PSD3: variants seen among roughly 807,000 people sequenced by gnomAD.
PSD3 encodes pleckstrin and Sec7 domain containing 3.
PSD3 carries 49 observed loss-of-function variants against 105.5 expected under a neutral mutation model. The observed-to-expected ratio is 0.46, with a 90% confidence interval of 0.37 to 0.59. PSD3 has a LOEUF of 0.59. PSD3 is among the 20% of genes least tolerant of loss of function. PSD3 has a pLI of 0.00. For synonymous variants in PSD3, 557 were observed against 457.8 expected (o/e 1.22, Z -2.77); for missense variants, 1,561 against 1,263.8 (o/e 1.24, Z -3.57).
chr8:18,956,968 A>G (rs563030719), intron 1 of PSD3, among the ~76,000 whole-genome samples: 1 of 152,308 alleles, frequency 6.6e-6, no homozygotes, highest in East Asian at 1.9e-4. Flanking sequence ...ACCAAGAGTT[A>G]CATGCCCCCA....
intron 1 of PSD3, among the ~76,000 whole-genome samples, chr8:19,002,495 T>C (rs1200009888): frequency 2.0e-5 from 3 of 152,050 alleles, no homozygotes; most frequent in East Asian, 3.9e-4. Context: ...TCAAGATTGA[T>C]TGTGATGGTC....
At chr8:19,057,606 C>T (rs1828752538) in intron 1 of PSD3, among the ~76,000 whole-genome samples, 1 of 152,142 alleles carries the variant, frequency 6.6e-6, no homozygotes, top group South Asian at 2.1e-4. Flanking sequence ...TATCTTGGCC[C>T]CTTCTCTGGG....
chr8:18,938,666 G>A (rs1326042577), intron 1 of PSD3, among the ~76,000 whole-genome samples: 1 of 151,272 alleles, frequency 6.6e-6, no homozygotes, highest in Non-Finnish European at 1.5e-5. Flanking sequence ...GGAGATTAAG[G>A]TTAATTAGAA....
intron 14 of PSD3, among the ~76,000 whole-genome samples, chr8:18,562,201 G>A (rs1391328602): frequency 6.6e-6 from 1 of 152,162 alleles, no homozygotes; most frequent in Admixed American, 6.5e-5. Context: ...CACAGTGGCT[G>A]CCACCAGTCT....
intron 9 of PSD3, among the ~76,000 whole-genome samples, chr8:18,757,395 C>A (rs185386855): frequency 6.6e-6 from 1 of 152,062 alleles, no homozygotes; most frequent in African/African-American, 2.4e-5. Context: ...ACCCAGGAGG[C>A]GGAGGTTGCA....
exon 1 of PSD3, chr8:19,084,207 T>C (rs1474917986): frequency 2.2e-6 from 1 of 450,332 alleles, no homozygotes; most frequent in Admixed American, 2.4e-5. Context: ...AGTTCTTACC[T>C]TGAGAGGCAG....
chr8:18,943,300 G>C (rs2129469542), intron 1 of PSD3, among the ~76,000 whole-genome samples: 1 of 152,244 alleles, frequency 6.6e-6, no homozygotes, highest in Middle Eastern at 3.4e-3. Flanking sequence ...AAAAGAAAAA[G>C]TTTTAAAAAA....
intron 9 of PSD3, among the ~76,000 whole-genome samples, chr8:18,757,298 C>CATA (rs765427911): frequency 1.6e-5 from 2 of 123,068 alleles, no homozygotes; most frequent in Non-Finnish European, 3.5e-5. Context: ...ACCAAAAATA[C>CATA]AAAAAAAAAA....
chr8:18,569,506 T>C (rs1802016422), intron 14 of PSD3, among the ~76,000 whole-genome samples: 1 of 142,844 alleles, frequency 7.0e-6, no homozygotes, highest in Non-Finnish European at 1.5e-5. Context: ...CATTCACAAT[T>C]GCTTCAAAGA....
At chr8:18,602,123 T>C (rs528441979) in intron 11 of PSD3, among the ~76,000 whole-genome samples, 3 of 152,328 alleles carry the variant, frequency 2.0e-5, no homozygotes, top group East Asian at 3.9e-4. Context: ...AGAAGAGCCA[T>C]AGGTCCTGAA....
intron 10 of PSD3, among the ~76,000 whole-genome samples, chr8:18,633,755 G>C (rs1485602289): frequency 6.6e-6 from 1 of 151,998 alleles, no homozygotes; most frequent in Non-Finnish European, 1.5e-5. Flanking sequence ...GGAATGATTT[G>C]TTTTCCTTTA....
intron 12 of PSD3, among the ~76,000 whole-genome samples, chr8:18,577,211 G>A (rs915404002): frequency 6.6e-6 from 1 of 151,822 alleles, no homozygotes; most frequent in Non-Finnish European, 1.5e-5. Flanking sequence ...TTAAGGTAAA[G>A]TTTTAGTTAT....
At chr8:18,898,181 C>G (rs1050955659) in intron 2 of PSD3, among the ~76,000 whole-genome samples, 1 of 152,112 alleles carries the variant, frequency 6.6e-6, no homozygotes, top group African/African-American at 2.4e-5. Flanking sequence ...TATAGATGAT[C>G]TATCTGATGC....
At chr8:19,084,647 G>A (rs1005459307) in exon 1 of PSD3, 9 of 342,478 alleles carry the variant, frequency 2.6e-5, no homozygotes, top group African/African-American at 1.1e-4. Context: ...CCCTGCTTAC[G>A]TCCGGATCCT....
At chr8:18,829,552 A>C (rs1049839188) in intron 4 of PSD3, among the ~76,000 whole-genome samples, 1 of 152,036 alleles carries the variant, frequency 6.6e-6, no homozygotes, top group Non-Finnish European at 1.5e-5. Flanking sequence ...TTTCCCACTA[A>C]ATTTTTCCCT....
chr8:18,621,364 T>C (rs111384805), intron 11 of PSD3, among the ~76,000 whole-genome samples: 390 of 152,206 alleles, frequency 2.6e-3, no homozygotes, highest in Non-Finnish European at 4.0e-3. Context: ...GCTGACATCG[T>C]GCCACTGCAC....
At chr8:18,834,342 T>C (rs1218746481) in intron 4 of PSD3, among the ~76,000 whole-genome samples, 1 of 152,204 alleles carries the variant, frequency 6.6e-6, no homozygotes, top group Non-Finnish European at 1.5e-5. Flanking sequence ...AAGGCAATAC[T>C]ATCCTTCAAA....
At chr8:18,797,009 G>C (rs1270481938) in intron 8 of PSD3, among the ~76,000 whole-genome samples, 1 of 151,968 alleles carries the variant, frequency 6.6e-6, no homozygotes, top group East Asian at 1.9e-4. Flanking sequence ...AAAAAATCAG[G>C]CAATCATGAT....
chr8:18,572,759 T>G (rs997208628), intron 13 of PSD3, 87 bp from the exon 14 acceptor site: 1 of 1,438,638 alleles, frequency 7.0e-7, no homozygotes, highest in African/African-American at 1.4e-5. Context: ...TGATTTGCAA[T>G]GGCATGTGAA....
Sources: allele counts gnomAD v4.1 joint callset (sites outside exome capture counted in the v4.1 genomes callset), GRCh38; gene constraint gnomAD v4.1.1; transcripts MANE v1.5; gene names NCBI Gene and HGNC (gene_info 2026-07-23, HGNC 2026-07-21).